PSD3: variants seen among roughly 807,000 people sequenced by gnomAD.
The protein encoded by PSD3 is pleckstrin and Sec7 domain containing 3.
PSD3 carries 49 observed loss-of-function variants against 105.5 expected under a neutral mutation model. That is an observed-to-expected ratio of 0.46 (90% CI 0.37 to 0.59). The LOEUF (loss-of-function observed/expected upper bound fraction) is 0.59, where lower values mean the gene tolerates loss of function less well. Among genes scored for constraint, PSD3 ranks in the 20% least tolerant of loss-of-function variants. The pLI is 0.00. For missense variants in PSD3, 1,561 were observed against 1,263.8 expected, an observed-to-expected ratio of 1.24 and a Z score of -3.57; for synonymous variants, 557 against 457.8, an observed-to-expected ratio of 1.22 and a Z score of -2.77.
intron 1 of PSD3, among the ~76,000 whole-genome samples, chr8:19,040,272 C>T (rs886174489): frequency 2.0e-5 from 3 of 152,008 alleles, no homozygotes; most frequent in African/African-American, 2.4e-5. Context: ...GCATGATCTT[C>T]GCTCACTGCA....
chr8:18,866,109 C>G (rs547759289), intron 4 of PSD3, among the ~76,000 whole-genome samples: 27 of 152,188 alleles, frequency 1.8e-4, no homozygotes, highest in Non-Finnish European at 2.9e-4. Context: ...TAAACAACTT[C>G]CACTCACCCT....
intron 4 of PSD3, chr8:18,808,830 C>T (rs368803306): frequency 4.1e-5 from 66 of 1,612,314 alleles, no homozygotes; most frequent in Non-Finnish European, 5.1e-5. Context: ...CTCTCCGAAG[C>T]CCCGTCCAGT....
At chr8:18,982,991 T>C (rs4332172) in intron 1 of PSD3, among the ~76,000 whole-genome samples, 60,142 of 152,076 alleles carry the variant, frequency 0.4, 13,704 homozygotes, top group Non-Finnish European at 0.52. Context: ...ACGGCATCTT[T>C]TCCCAATAGA....
At chr8:18,848,144 C>T (rs894343228) in intron 4 of PSD3, among the ~76,000 whole-genome samples, 4 of 149,072 alleles carry the variant, frequency 2.7e-5, no homozygotes, top group Non-Finnish European at 6.0e-5. Context: ...AAAAAAAAAT[C>T]CCTAAATCCT....
chr8:18,643,822 A>G (rs1807831045), intron 10 of PSD3, among the ~76,000 whole-genome samples: 1 of 152,222 alleles, frequency 6.6e-6, no homozygotes, highest in Admixed American at 6.5e-5. Flanking sequence ...CTAGGTAAAG[A>G]AAGCCATGCC....
chr8:18,916,513 C>A (rs1329433185), intron 2 of PSD3, among the ~76,000 whole-genome samples: 17 of 151,698 alleles, frequency 1.1e-4, no homozygotes, highest in Non-Finnish European at 1.5e-5. Flanking sequence ...ATCTTATTTA[C>A]GTGCACAATC....
intron 4 of PSD3, among the ~76,000 whole-genome samples, chr8:18,810,870 C>A (rs1274782094): frequency 2.0e-5 from 3 of 152,106 alleles, no homozygotes; most frequent in African/African-American, 2.4e-5. Context: ...GACAAGAGGG[C>A]GGGTACAAAC....
chr8:18,705,718 T>C (rs965965568), intron 9 of PSD3, among the ~76,000 whole-genome samples: 5 of 152,048 alleles, frequency 3.3e-5, no homozygotes, highest in South Asian at 4.1e-4. Context: ...ATTAAAAAAG[T>C]CTTAAAGAAA....
intron 1 of PSD3, among the ~76,000 whole-genome samples, chr8:18,947,303 C>A (rs987316936): frequency 6.6e-6 from 1 of 152,316 alleles, no homozygotes; most frequent in Non-Finnish European, 1.5e-5. Context: ...GAGAAGACGT[C>A]GGCAAAAAGC....
At chr8:18,895,136 G>C (rs868221670) in intron 2 of PSD3, among the ~76,000 whole-genome samples, 6 of 152,188 alleles carry the variant, frequency 3.9e-5, no homozygotes. Context: ...GGCAATCAAG[G>C]AAGCCTGCTC....
At chr8:18,654,860 A>G (rs1175001361) in intron 10 of PSD3, among the ~76,000 whole-genome samples, 1 of 152,136 alleles carries the variant, frequency 6.6e-6, no homozygotes, top group Non-Finnish European at 1.5e-5. Flanking sequence ...AGTATCTATC[A>G]GTGTCCTAGT....
chr8:18,665,853 AAAAC>A (rs982633600), intron 9 of PSD3, among the ~76,000 whole-genome samples: 7 of 152,304 alleles, frequency 4.6e-5, no homozygotes, highest in Admixed American at 2.6e-4. Flanking sequence ...CCAGTCTTAA[AAAAC>A]AAACAAACAA....
At chr8:18,602,162 C>G (rs774859267) in intron 11 of PSD3, among the ~76,000 whole-genome samples, 1 of 152,164 alleles carries the variant, frequency 6.6e-6, no homozygotes, top group Non-Finnish European at 1.5e-5. Context: ...AGCCCTAAAA[C>G]TAATTTATTG....
chr8:18,837,616 T>C (rs1814218556), intron 4 of PSD3, among the ~76,000 whole-genome samples: 2 of 152,032 alleles, frequency 1.3e-5, no homozygotes, highest in Admixed American at 6.6e-5. Flanking sequence ...ATGATAAATG[T>C]AGATAGTAAC....
At chr8:18,714,300 G>A (rs1301422327) in intron 9 of PSD3, among the ~76,000 whole-genome samples, 1 of 151,848 alleles carries the variant, frequency 6.6e-6, no homozygotes, top group Admixed American at 6.6e-5. Context: ...AAACTAAAGA[G>A]CTTCTTCACA....
At chr8:18,561,110 C>T (rs1336782761) in intron 14 of PSD3, among the ~76,000 whole-genome samples, 1 of 152,128 alleles carries the variant, frequency 6.6e-6, no homozygotes, top group South Asian at 2.1e-4. Flanking sequence ...GAAATGAAAT[C>T]AGTATCTCAA....
chr8:18,676,000 G>A (rs185651604), intron 9 of PSD3, among the ~76,000 whole-genome samples: 77 of 152,242 alleles, frequency 5.1e-4, no homozygotes, highest in Admixed American at 4.4e-3. Flanking sequence ...CCACACAGAA[G>A]CTCCTTATGG....
At chr8:19,005,245 T>C (rs1165708372) in intron 1 of PSD3, among the ~76,000 whole-genome samples, 1 of 151,984 alleles carries the variant, frequency 6.6e-6, no homozygotes, top group Non-Finnish European at 1.5e-5. Context: ...ATCTAGTCAA[T>C]GGCATACTAT....
In PSD3 at chr8:18,980,630, T is replaced by C. The variant is rs914262261; in HGVS notation, c.21+32933A>G. Among the ~76,000 whole-genome samples, 35 of 152,162 alleles carry C rather than the reference T, an allele frequency of 2.3e-4. 1 individual carries two copies. Among genetic ancestry groups the C allele is most frequent in the Admixed American group, 2.3e-3 (35 of 15,278 alleles). On this transcript the variant is annotated intron_variant, in intron 1 of 15. Coordinates refer to ENST00000327040, the MANE Select transcript of PSD3 (RefSeq NM_015310.4). ...TCCTTCTCTCCTTTCTTGCCTCTTTTTGACTTAGTTTTGTTTTTATTTTTC... is the reference window on the plus strand; with the variant it reads ...TCCTTCTCTCCTTTCTTGCCTCTTTCTGACTTAGTTTTGTTTTTATTTTTC...
Sources: gnomAD v4.1 joint callset for allele counts (sites outside exome capture counted in the v4.1 genomes callset) on GRCh38, gnomAD v4.1.1 for gene constraint, MANE v1.5 for transcripts, NCBI Gene and HGNC (gene_info 2026-07-23, HGNC 2026-07-21) for gene names.